FRMD3: variants seen among roughly 807,000 people sequenced by gnomAD.
The protein encoded by FRMD3 is FERM domain-containing protein 3.
A neutral mutation model predicts 70.2 loss-of-function variants in FRMD3; 33 were observed. The observed-to-expected ratio is 0.47, with a 90% CI of 0.36 to 0.63. The LOEUF (loss-of-function observed/expected upper bound fraction) is 0.63. Among genes scored for constraint, FRMD3 ranks in the 20% least tolerant of loss-of-function variants. The pLI, the probability that FRMD3 is intolerant of heterozygous loss-of-function variation, is 0.00. For synonymous variants in FRMD3, 279 were observed against 255.9 expected, an observed-to-expected ratio of 1.09 and a Z score of -0.86; for missense variants, 632 against 711.4, an observed-to-expected ratio of 0.89 and a Z score of 1.27.
At chr9:83,384,792 G>A (rs1051264064) in intron 2 of FRMD3, among the ~76,000 whole-genome samples, 1 of 152,170 alleles carries the variant, frequency 6.6e-6, no homozygotes, top group African/African-American at 2.4e-5. Flanking sequence ...TTGGGTGTGA[G>A]TCAAAATCAG....
chr9:83,474,749 G>T (rs1234733357), intron 1 of FRMD3, among the ~76,000 whole-genome samples: 1 of 151,782 alleles, frequency 6.6e-6, no homozygotes, highest in Non-Finnish European at 1.5e-5. Context: ...ACACACAGAA[G>T]CCACCCAACA....
At chr9:83,350,649 A>G (rs1028435109) in intron 3 of FRMD3, 36 of 536,298 alleles carry the variant, frequency 6.7e-5, no homozygotes, top group African/African-American at 5.4e-4. Context: ...GAAAGAAAGA[A>G]AAAGAAAAAG....
At chr9:83,257,567 A>G (rs1393829708) in intron 13 of FRMD3, among the ~76,000 whole-genome samples, 13 of 152,204 alleles carry the variant, frequency 8.5e-5, no homozygotes. Flanking sequence ...CAAGCCTTGC[A>G]AGTATTTTGA....
intron 1 of FRMD3, among the ~76,000 whole-genome samples, chr9:83,471,098 C>T (rs1828257482): frequency 6.6e-6 from 1 of 152,186 alleles, no homozygotes; most frequent in Non-Finnish European, 1.5e-5. Flanking sequence ...GGTGACATCC[C>T]TCTGCCTCTA....
intron 13 of FRMD3, among the ~76,000 whole-genome samples, chr9:83,250,382 A>G (rs1832345869): frequency 6.6e-6 from 1 of 152,076 alleles, no homozygotes; most frequent in African/African-American, 2.4e-5. Flanking sequence ...GCAGCCACTC[A>G]GGCACACACA....
chr9:83,243,154 A>C (rs1831939573), downstream of FRMD3: 5 of 1,545,386 alleles, frequency 3.2e-6, no homozygotes, highest in Non-Finnish European at 4.4e-6. Context: ...GAACATGGAG[A>C]GCCAAGTCTT....
intron 9 of FRMD3, 77 bp downstream of exon 9, chr9:83,310,408 A>T: frequency 8.8e-7 from 1 of 1,140,728 alleles, no homozygotes; most frequent in Non-Finnish European, 1.3e-6. Context: ...CGACTACAAT[A>T]CTAAAGGCAT....
At chr9:83,407,847 C>CTCTCTCTCTCTCTCTCTCTCATCTT (rs1826154531) in intron 1 of FRMD3, among the ~76,000 whole-genome samples, 1 of 122,946 alleles carries the variant, frequency 8.1e-6, no homozygotes, top group Non-Finnish European at 1.6e-5. Context: ...GTCTCTCTCT[C>CTCTCTCTCTCTCTCTCTCTCATCTT]TCTCTCTCTC....
chr9:83,436,457 G>GTGTGTGTGTGTGTGT (rs1380086821), intron 1 of FRMD3, among the ~76,000 whole-genome samples: 1 of 108,224 alleles, frequency 9.2e-6, no homozygotes, highest in African/African-American at 4.9e-5. Flanking sequence ...TAATTAATAA[G>GTGTGTGTGTGTGTGT]ATGTGTGTGT....
At chr9:83,572,021 C>T in the FRMD3 span, among the ~76,000 whole-genome samples, 1 of 152,178 alleles carries the variant, frequency 6.6e-6, no homozygotes, top group Admixed American at 6.5e-5. Context: ...GTATTTCTTA[C>T]AAGCTCCCAG....
intron 13 of FRMD3, among the ~76,000 whole-genome samples, chr9:83,271,176 C>A (rs750892807): frequency 5.9e-5 from 9 of 152,282 alleles, no homozygotes; most frequent in Non-Finnish European, 1.2e-4. Context: ...AATTTATCTA[C>A]ATTAGAAACC....
At chr9:83,585,435 T>C in the FRMD3 span, among the ~76,000 whole-genome samples, 2 of 152,246 alleles carry the variant, frequency 1.3e-5, no homozygotes, top group African/African-American at 2.4e-5. Context: ...TCCCGCTTTT[T>C]ACCTGGGCAC....
At chr9:83,393,301 A>C (rs1052580505) in intron 1 of FRMD3, among the ~76,000 whole-genome samples, 2 of 152,322 alleles carry the variant, frequency 1.3e-5, no homozygotes, top group East Asian at 3.9e-4. Flanking sequence ...AATGTGTTAA[A>C]ATCTATAAGC....
intron 1 of FRMD3, among the ~76,000 whole-genome samples, chr9:83,500,541 A>G (rs1564106261): frequency 1.3e-5 from 1 of 78,392 alleles, no homozygotes; most frequent in Non-Finnish European, 3.0e-5. Context: ...CACACACACA[A>G]TGTCAATATT....
At chr9:83,355,708 CAGA>C (rs1426836852) in intron 3 of FRMD3, among the ~76,000 whole-genome samples, 3 of 152,110 alleles carry the variant, frequency 2.0e-5, no homozygotes, top group African/African-American at 4.8e-5. Flanking sequence ...ACACTCCTAC[CAGA>C]AGAAGAGAAG....
At chr9:83,340,929 T>C (rs1160895191) in intron 5 of FRMD3, among the ~76,000 whole-genome samples, 1 of 152,212 alleles carries the variant, frequency 6.6e-6, no homozygotes, top group Non-Finnish European at 1.5e-5. Flanking sequence ...CAGAATATAC[T>C]GAAGCTTAAA....
intron 8 of FRMD3, among the ~76,000 whole-genome samples, chr9:83,311,596 C>T (rs1431280050): frequency 6.6e-6 from 1 of 152,066 alleles, no homozygotes. Context: ...CTGACCCATC[C>T]GTGTGCCCCC....
intron 1 of FRMD3, among the ~76,000 whole-genome samples, chr9:83,444,627 C>T (rs890458729): frequency 6.6e-6 from 1 of 152,178 alleles, no homozygotes; most frequent in African/African-American, 2.4e-5. Context: ...GATCACCTAC[C>T]AGGCTACCAC....
intron 13 of FRMD3, among the ~76,000 whole-genome samples, chr9:83,275,339 A>G (rs1268436436): frequency 6.6e-6 from 1 of 152,204 alleles, no homozygotes; most frequent in Non-Finnish European, 1.5e-5. Context: ...AATACTGATC[A>G]ATGAGCTTCT....
Sources: gnomAD v4.1 joint callset for allele counts (sites outside exome capture counted in the v4.1 genomes callset) on GRCh38, gnomAD v4.1.1 for gene constraint, MANE v1.5 for transcripts, NCBI Gene and HGNC (gene_info 2026-07-23, HGNC 2026-07-21) for gene names.